DRC8: variants seen among roughly 807,000 people sequenced by gnomAD.
DRC8 encodes dynein regulatory complex protein 8.
the DRC8 span, among the ~76,000 whole-genome samples, chr1:245,115,505 G>T: frequency 5.5e-3 from 836 of 152,336 alleles, 6 homozygotes; most frequent in African/African-American, 0.019. Flanking sequence ...TGGGTTAATA[G>T]TTTCTCAACT....
chr1:245,054,559 G>A, the DRC8 span, among the ~76,000 whole-genome samples: 17 of 151,932 alleles, frequency 1.1e-4, no homozygotes, highest in African/African-American at 3.4e-4. Context: ...TAGCCTCCAC[G>A]CCCCGGCCCT....
the DRC8 span, among the ~76,000 whole-genome samples, chr1:245,014,031 C>CAAAAAAAAAAAAA: frequency 1.1e-5 from 1 of 93,098 alleles, no homozygotes; most frequent in Non-Finnish European, 2.0e-5. Flanking sequence ...GACTCCATCT[C>CAAAAAAAAAAAAA]AAAAAAAAAA....
the DRC8 span, among the ~76,000 whole-genome samples, chr1:245,008,771 G>T: frequency 1.3e-5 from 2 of 151,166 alleles, no homozygotes; most frequent in Non-Finnish European, 1.5e-5. Context: ...TGGGCTTAAG[G>T]GATCCTCCCA....
chr1:245,082,995 C>T, the DRC8 span, among the ~76,000 whole-genome samples: 1 of 152,086 alleles, frequency 6.6e-6, no homozygotes, highest in Non-Finnish European at 1.5e-5. Flanking sequence ...AGGCATGAGC[C>T]ACCATACCCA....
the DRC8 span, among the ~76,000 whole-genome samples, chr1:245,034,889 T>C: frequency 6.8e-6 from 1 of 147,514 alleles, no homozygotes; most frequent in African/African-American, 2.5e-5. Context: ...AAAAGTTTAA[T>C]AGAAAGATAA....
the DRC8 span, among the ~76,000 whole-genome samples, chr1:244,990,075 C>T: frequency 2.6e-5 from 4 of 152,220 alleles, no homozygotes; most frequent in Admixed American, 6.5e-5. Flanking sequence ...TGTCATGGCT[C>T]GGGATGACCC....
the DRC8 span, among the ~76,000 whole-genome samples, chr1:245,111,317 C>T: frequency 6.6e-6 from 1 of 152,170 alleles, no homozygotes; most frequent in Non-Finnish European, 1.5e-5. Flanking sequence ...GACAGCAGCA[C>T]TCCCAGCCTC....
chr1:245,016,875 C>T, the DRC8 span, among the ~76,000 whole-genome samples: 2 of 152,180 alleles, frequency 1.3e-5, no homozygotes, highest in African/African-American at 4.8e-5. Context: ...TTCACTGTGC[C>T]TCTCAGGCTA....
chr1:245,110,419 GAATT>G, the DRC8 span, among the ~76,000 whole-genome samples: 2 of 149,454 alleles, frequency 1.3e-5, no homozygotes, highest in Non-Finnish European at 3.0e-5. Context: ...ACAAAACAAA[GAATT>G]AAGTTGAATG....
the DRC8 span, chr1:245,017,108 C>A: frequency 1.2e-6 from 1 of 862,432 alleles, no homozygotes. Context: ...GTTAAACATG[C>A]TAAATGATAC....
At chr1:245,060,541 AC>A in the DRC8 span, among the ~76,000 whole-genome samples, 1 of 152,228 alleles carries the variant, frequency 6.6e-6, no homozygotes, top group African/African-American at 2.4e-5. Flanking sequence ...AGCTATTTTT[AC>A]CAAGAGTAAG....
At chr1:245,106,899 C>T in the DRC8 span, among the ~76,000 whole-genome samples, 1 of 152,140 alleles carries the variant, frequency 6.6e-6, no homozygotes, top group African/African-American at 2.4e-5. Flanking sequence ...CAAAAATTAG[C>T]TGGGTGTGGT....
At chr1:244,969,781 T>C in the DRC8 span, 3 of 279,570 alleles carry the variant, frequency 1.1e-5, no homozygotes, top group Non-Finnish European at 2.0e-5. Context: ...GTGCTGTCGC[T>C]TTCTCTGGGA....
chr1:244,975,770 G>A, the DRC8 span, among the ~76,000 whole-genome samples: 14 of 152,148 alleles, frequency 9.2e-5, no homozygotes, highest in African/African-American at 3.1e-4. Flanking sequence ...TGAGGCAGGA[G>A]AATCGCTTGA....
the DRC8 span, among the ~76,000 whole-genome samples, chr1:244,971,607 A>C: frequency 2.6e-5 from 4 of 152,228 alleles, no homozygotes; most frequent in Non-Finnish European, 4.4e-5. Context: ...TGAAAATAAT[A>C]TTCGTCCTTT....
At chr1:245,076,132 A>G in the DRC8 span, among the ~76,000 whole-genome samples, 1 of 152,220 alleles carries the variant, frequency 6.6e-6, no homozygotes, top group Non-Finnish European at 1.5e-5. Flanking sequence ...GTGGGTCTAC[A>G]CTGTGGGTCG....
the DRC8 span, among the ~76,000 whole-genome samples, chr1:245,060,760 C>T: frequency 6.6e-6 from 1 of 152,208 alleles, no homozygotes; most frequent in African/African-American, 2.4e-5. Context: ...TGAAAAATAC[C>T]TCCGAAGGTC....
chr1:245,003,137 GGC>G, the DRC8 span, among the ~76,000 whole-genome samples: 1 of 152,124 alleles, frequency 6.6e-6, no homozygotes, highest in Admixed American at 6.5e-5. Flanking sequence ...TCCTTTTCAA[GGC>G]TAAGTAATAT....
chr1:245,042,571 A>G, the DRC8 span, among the ~76,000 whole-genome samples: 1 of 152,368 alleles, frequency 6.6e-6, no homozygotes, highest in South Asian at 2.1e-4. Context: ...GCTGTTCTGT[A>G]AACGATACCA....
Sources: allele counts gnomAD v4.1 joint callset (sites outside exome capture counted in the v4.1 genomes callset), GRCh38; gene constraint gnomAD v4.1.1; transcripts MANE v1.5; gene names NCBI Gene and HGNC (gene_info 2026-07-23, HGNC 2026-07-21).